GATAD2A: variants seen among roughly 807,000 people sequenced by gnomAD.
GATAD2A encodes GATA zinc finger domain containing 2A.
A neutral mutation model predicts 68.5 loss-of-function variants in GATAD2A; 12 were observed. The ratio of observed to expected loss-of-function variants is 0.18; its 90% CI spans 0.11 to 0.28. GATAD2A has a LOEUF of 0.28. Ranked by LOEUF, GATAD2A falls within the 10% of genes least tolerant of loss-of-function variation. The pLI is 1.00. For missense variants in GATAD2A, 755 were observed against 868.5 expected, an observed-to-expected ratio of 0.87 and a Z score of 1.64; for synonymous variants, 410 against 375.3, an observed-to-expected ratio of 1.09 and a Z score of -1.07.
rs1476062732 is a variant in GATAD2A, at chr19:19,508,693, A to G, written c.*3219A>G. The G allele has an allele frequency of 2.0e-5, 3 of 152,228 alleles. No individual in the cohort carries two copies. The highest frequency in any genetic ancestry group is 4.8e-5 in the African/African-American group (2 of 41,458). 9.4% of individuals were successfully genotyped at this position (152,228 alleles called of 1,614,324 possible). The stretch of plus-strand genomic sequence containing the variant: ...GACAGCAAACAATTTTATAATCCTT[A>G]AAGTGTAATAGACGGTTACACTAGT... On this transcript the variant is annotated 3_prime_UTR_variant, in exon 12 of 12. Coordinates refer to ENST00000683918, the MANE Select transcript of GATAD2A (RefSeq NM_001384528.1).
At chr19:19,484,416 G>A (rs2059267660) in intron 2 of GATAD2A, among the ~76,000 whole-genome samples, 1 of 151,686 alleles carries the variant, frequency 6.6e-6, no homozygotes, top group Non-Finnish European at 1.5e-5. Context: ...AGCCTGACAA[G>A]AGTGAGACCC....
chr19:19,433,135 T>G (rs1319531134), intron 1 of GATAD2A, among the ~76,000 whole-genome samples: 1 of 152,226 alleles, frequency 6.6e-6, no homozygotes, highest in East Asian at 1.9e-4. Context: ...TTCTTGCCAG[T>G]TGCACTGTAG....
At chr19:19,411,867 T>C (rs1273137643) in intron 1 of GATAD2A, among the ~76,000 whole-genome samples, 1 of 152,172 alleles carries the variant, frequency 6.6e-6, no homozygotes, top group East Asian at 1.9e-4. Context: ...TTATCACATA[T>C]AATGTAACAC....
At chr19:19,424,560 T>TG (rs774526176) in intron 1 of GATAD2A, among the ~76,000 whole-genome samples, 4 of 151,624 alleles carry the variant, frequency 2.6e-5, no homozygotes, top group South Asian at 4.2e-4. Context: ...TTTGTAGAGA[T>TG]GGGGGTCTCT....
Position 19,413,874 on chromosome 19 carries a change from C to T in GATAD2A, c.-7+7855C>T, listed in dbSNP as rs1036213600. On this transcript the variant is annotated intron_variant, in intron 1 of 11. Transcript: ENST00000683918. ...TACTGGGATTACAGGTGTAAACCAC[C>T]GTGCCTGGCTGTGTTTGATGTTTTT... Among the ~76,000 whole-genome samples the T allele has an allele frequency of 1.3e-5, 2 of 152,140 alleles. 1 individual carries two copies. The highest frequency in any genetic ancestry group is 2.9e-5 in the Non-Finnish European group (2 of 68,032).
intron 10 of GATAD2A, 136 bp downstream of exon 10, chr19:19,502,179 C>G (rs1383273368): frequency 2.3e-6 from 2 of 863,804 alleles, no homozygotes; most frequent in African/African-American, 3.4e-5. Context: ...CCCCACCCCT[C>G]TGTGTAACTT....
rs762598322 is a variant in GATAD2A at position 19,495,871 on chromosome 19, G to A, written c.742G>A (p.Val248Ile). The change falls in exon 6 of 12, where the codon GTC (valine) becomes ATC (isoleucine). Residue 248 changes from valine to isoleucine, a missense_variant. By Grantham distance (29) the Val-to-Ile change is conservative. Transcript: ENST00000683918. Reference protein sequence around the residue: ...ASSQVVMPPLVRGAQQIHSIR... With the variant: ...ASSQVVMPPLIRGAQQIHSIR... ...CTCACAGGTCGTCATGCCCCCACTC[G>A]TCAGGGGGGCTCAGGTAAGCAGGGC... The A allele has an allele frequency of 1.6e-5, 25 of 1,612,858 alleles. No individual in the cohort carries two copies. The highest frequency in any genetic ancestry group is 3.3e-5 in the Admixed American group (2 of 60,000).
At chr19:19,457,090 C>CACTCTGAGTTGAAGG (rs1568303442) in intron 1 of GATAD2A, 1 of 985,160 alleles carries the variant, frequency 1.0e-6, no homozygotes, top group East Asian at 1.1e-4. Flanking sequence ...CAACTCAGAG[C>CACTCTGAGTTGAAGG]ACTCCTATCT....
upstream of GATAD2A, among the ~76,000 whole-genome samples, chr19:19,405,105 AG>A (rs2050067103): frequency 6.6e-6 from 1 of 152,072 alleles, no homozygotes; most frequent in Admixed American, 6.6e-5. Context: ...GCACGAGGGC[AG>A]ATTGGGAGGT....
intron 2 of GATAD2A, among the ~76,000 whole-genome samples, chr19:19,484,761 G>T (rs868161809): frequency 6.6e-4 from 100 of 151,950 alleles, no homozygotes; most frequent in Middle Eastern, 3.4e-3. Flanking sequence ...TCTCTATCTC[G>T]TGACCTCGTG....
intron 1 of GATAD2A, among the ~76,000 whole-genome samples, chr19:19,456,506 GCTC>G (rs1387636917): frequency 2.0e-5 from 3 of 152,170 alleles, no homozygotes; most frequent in Non-Finnish European, 4.4e-5. Flanking sequence ...CATTGCTTGG[GCTC>G]CTATCTTACG....
At chr19:19,461,370 C>T (rs941011582) in intron 1 of GATAD2A, among the ~76,000 whole-genome samples, 6 of 152,194 alleles carry the variant, frequency 3.9e-5, no homozygotes, top group African/African-American at 1.2e-4. Flanking sequence ...TCAAGAGATG[C>T]GTACTGGCCT....
chr19:19,504,121 G>A (rs891543410), intron 11 of GATAD2A, among the ~76,000 whole-genome samples: 2 of 152,172 alleles, frequency 1.3e-5, no homozygotes, highest in East Asian at 1.9e-4. Context: ...GAGGAGGATC[G>A]CTTGAGCATG....
chr19:19,440,971 C>T (rs1454585762), intron 1 of GATAD2A, among the ~76,000 whole-genome samples: 1 of 124,462 alleles, frequency 8.0e-6, no homozygotes, highest in Admixed American at 8.3e-5. Flanking sequence ...CCTTCCCTTT[C>T]CTTCCTTTCC....
At position 19,457,030 on chromosome 19, in the gene GATAD2A, C is replaced by T. The variant is rs2056996654; in HGVS notation, c.-6-8310C>T. On this transcript the variant is annotated intron_variant, in intron 1 of 11. Coordinates refer to ENST00000683918, the MANE Select transcript of GATAD2A (RefSeq NM_001384528.1). Reference sequence around the variant, plus strand: ...AGGAGCAACAGATTTGGATGAAACCCTGAGGATCCCAGAGCTGAAAGTGAG... The same window carrying T: ...AGGAGCAACAGATTTGGATGAAACCTTGAGGATCCCAGAGCTGAAAGTGAG... The T allele has an allele frequency of 5.5e-6, 5 of 902,738 alleles. No individual in the cohort carries two copies. The Middle Eastern group carries it at 1.7e-3, about 306-fold the overall frequency. 55.9% of individuals were successfully genotyped at this position (902,738 alleles called of 1,614,324 possible).
chr19:19,479,466 A>G (rs2058902192), intron 2 of GATAD2A, among the ~76,000 whole-genome samples: 1 of 152,124 alleles, frequency 6.6e-6, no homozygotes, highest in Non-Finnish European at 1.5e-5. Context: ...CTTACGTTAT[A>G]TTTAATCCTT....
At chr19:19,455,533 A>G (rs2056845222) in intron 1 of GATAD2A, among the ~76,000 whole-genome samples, 1 of 152,214 alleles carries the variant, frequency 6.6e-6, no homozygotes, top group South Asian at 2.1e-4. Context: ...ATAATGGAAA[A>G]AACAATACAA....
Position 19,440,139 on chromosome 19 carries a change from AT to A in GATAD2A, c.-6-25198del. ...TGTCTTCATTTGTGGTGGTGATGGGATTTCTAGTTGAAATGACAAGCAGAAA... is the reference window on the plus strand; with the variant it reads ...TGTCTTCATTTGTGGTGGTGATGGGATTCTAGTTGAAATGACAAGCAGAAA... On this transcript the variant is annotated intron_variant, in intron 1 of 11. Transcript: ENST00000683918. 9.6e-6 allele frequency: 4 copies of A among 416,944 alleles called. No individual in the cohort carries two copies. The Middle Eastern group carries it at 1.3e-3, about 140-fold the overall frequency. The allele number at this position is 416,944 out of a possible 1,614,324, so 25.8% of individuals were successfully genotyped here. A position where few individuals can be genotyped will look rare whatever the true frequency, so the allele number is the denominator to read the frequency against.
chr19:19,393,021 AG>A (rs1244869760), intron 1 of GATAD2A, among the ~76,000 whole-genome samples: 1 of 151,994 alleles, frequency 6.6e-6, no homozygotes, highest in Non-Finnish European at 1.5e-5. Context: ...TTGGCTTATA[AG>A]GGGCCAGGTG....
Sources: allele counts gnomAD v4.1 joint callset (sites outside exome capture counted in the v4.1 genomes callset), GRCh38; gene constraint gnomAD v4.1.1; transcripts MANE v1.5; gene names NCBI Gene and HGNC (gene_info 2026-07-23, HGNC 2026-07-21).